Variants in CLASP1 observed in about 807,000 individuals in gnomAD.
The protein encoded by CLASP1 is CLIP-associating protein 1.
A neutral mutation model predicts 192.3 loss-of-function variants in CLASP1; 38 were observed. That is an observed-to-expected ratio of 0.20 (90% confidence interval 0.15 to 0.26). The LOEUF (loss-of-function observed/expected upper bound fraction) is 0.26, where lower values mean the gene tolerates loss of function less well. Among genes scored for constraint, CLASP1 ranks in the 10% least tolerant of loss-of-function variants. The pLI is 1.00. For synonymous variants in CLASP1, 691 were observed against 712.8 expected, an observed-to-expected ratio of 0.97 and a Z score of 0.49; for missense variants, 1,433 against 1,932.5, an observed-to-expected ratio of 0.74 and a Z score of 4.85.
intron 1 of CLASP1, among the ~76,000 whole-genome samples, chr2:121,614,991 T>C (rs1008585101): frequency 2.0e-5 from 3 of 152,216 alleles, no homozygotes; most frequent in Non-Finnish European, 4.4e-5. Flanking sequence ...GTCAAAACTA[T>C]ATAAACAAGA....
chr2:121,389,952 C>T (rs2074059759), intron 30 of CLASP1, among the ~76,000 whole-genome samples: 2 of 151,678 alleles, frequency 1.3e-5, no homozygotes, highest in Admixed American at 6.6e-5. Flanking sequence ...TAGTGCACTG[C>T]AGCCTCGAAC....
chr2:121,444,215 T>C (rs1040546479), intron 19 of CLASP1, among the ~76,000 whole-genome samples: 5 of 152,204 alleles, frequency 3.3e-5, no homozygotes, highest in African/African-American at 7.2e-5. Context: ...TTCTTGAGAA[T>C]GGCATAAAAA....
At position 121,430,700 on chromosome 2, in the gene CLASP1, G is replaced by C. The variant is rs77106950; in HGVS notation, c.1913-523C>G. Among the ~76,000 whole-genome samples, 148 of 152,122 alleles carry C rather than the reference G, an allele frequency of 9.7e-4. 2 individuals carry two copies. In the East Asian group the frequency reaches 0.025, roughly 26 times the overall value. ...AGCTATAGCTCCCCAGTGAATAAAT[G>C]TGTTTTTGATATGCAGCATTAAACT... is the stretch of plus-strand genomic sequence containing the variant. On this transcript the variant is annotated intron_variant, in intron 19 of 39. Transcript: ENST00000263710.
chr2:121,426,739 G>A (rs1027902179), intron 21 of CLASP1, among the ~76,000 whole-genome samples: 2 of 152,122 alleles, frequency 1.3e-5, no homozygotes, highest in Admixed American at 6.5e-5. Flanking sequence ...CAAATAATAT[G>A]GCTGATAATT....
At chr2:121,636,540 C>T (rs556303062) in intron 1 of CLASP1, among the ~76,000 whole-genome samples, 68 of 151,856 alleles carry the variant, frequency 4.5e-4, no homozygotes, top group African/African-American at 1.5e-3. Flanking sequence ...TGGCTCATGC[C>T]TGTAATCCCA....
At chr2:121,478,630 T>TACACAC (rs748910680) in intron 8 of CLASP1, among the ~76,000 whole-genome samples, 2 of 32,454 alleles carry the variant, frequency 6.2e-5, no homozygotes, top group Non-Finnish European at 1.3e-4. Context: ...CACACACACA[T>TACACAC]ACACACACAC....
chr2:121,648,653 A>G (rs989960800), intron 1 of CLASP1, among the ~76,000 whole-genome samples: 6 of 152,232 alleles, frequency 3.9e-5, no homozygotes, highest in African/African-American at 1.4e-4. Flanking sequence ...CTAACGTGCA[A>G]GATCACACAC....
intron 1 of CLASP1, among the ~76,000 whole-genome samples, chr2:121,648,257 T>C (rs1425330866): frequency 6.6e-6 from 1 of 152,122 alleles, no homozygotes; most frequent in Non-Finnish European, 1.5e-5. Flanking sequence ...GGCACCCAAA[T>C]AGGGTCCAAG....
intron 19 of CLASP1, among the ~76,000 whole-genome samples, chr2:121,434,303 C>T (rs1167308867): frequency 6.6e-6 from 1 of 152,170 alleles, no homozygotes; most frequent in Non-Finnish European, 1.5e-5. Flanking sequence ...GCTGCCTAGG[C>T]TGGAGTGGAA....
At chr2:121,458,518 A>G (rs1398580386) in intron 13 of CLASP1, among the ~76,000 whole-genome samples, 1 of 152,210 alleles carries the variant, frequency 6.6e-6, no homozygotes, top group African/African-American at 2.4e-5. Context: ...GGTAAGACTA[A>G]GAGTAATATC....
chr2:121,398,771 T>C (rs1439989529), intron 28 of CLASP1, among the ~76,000 whole-genome samples: 1 of 152,162 alleles, frequency 6.6e-6, no homozygotes, highest in Non-Finnish European at 1.5e-5. Context: ...CAAATCTCAT[T>C]TTTACATCCT....
intron 8 of CLASP1, among the ~76,000 whole-genome samples, chr2:121,471,774 TTC>T (rs2090777709): frequency 6.6e-6 from 1 of 152,328 alleles, no homozygotes; most frequent in South Asian, 2.1e-4. Flanking sequence ...TGTTATGCCA[TTC>T]TGTTTCAAGA....
At chr2:121,518,489 G>T (rs1575608594) in intron 6 of CLASP1, among the ~76,000 whole-genome samples, 1 of 152,118 alleles carries the variant, frequency 6.6e-6, no homozygotes, top group Admixed American at 6.5e-5. Flanking sequence ...ACAGCATTTT[G>T]TTATGGCAGC....
chr2:121,433,050 G>A (rs1024186426), intron 19 of CLASP1, among the ~76,000 whole-genome samples: 9 of 152,214 alleles, frequency 5.9e-5, no homozygotes, highest in Admixed American at 1.3e-4. Context: ...GGCCCAGAGC[G>A]GTGGCTCATG....
exon 37 of CLASP1, chr2:121,363,210 T>C: frequency 1.9e-6 from 3 of 1,614,014 alleles, no homozygotes; most frequent in Non-Finnish European, 2.5e-6. Context: ...AGAGTCTTCA[T>C]AATCGTCAGC....
chr2:121,451,888 A>G (rs1375155348), intron 14 of CLASP1, 39 bp from the exon 15 acceptor site: 5 of 1,409,220 alleles, frequency 3.5e-6, no homozygotes, highest in African/African-American at 1.4e-5. Flanking sequence ...ATTAATACAT[A>G]TTTTAGTGAA....
intron 2 of CLASP1, among the ~76,000 whole-genome samples, chr2:121,531,630 G>A (rs1397581760): frequency 6.6e-6 from 1 of 151,324 alleles, no homozygotes; most frequent in Non-Finnish European, 1.5e-5. Flanking sequence ...AGCACTTGGG[G>A]AGGCCGAGGC....
rs775196167 is a variant in CLASP1 at position 121,397,122 on chromosome 2, C to T, written c.3123+18G>A. On this transcript the variant is annotated intron_variant, in intron 30 of 39. Coordinates refer to ENST00000263710, the Ensembl canonical transcript of CLASP1. ...CCAGGAACAATCTGTAATTACACGT[C>T]GGTTCTCTTGGACATACCTTTCTCA... 6.2e-5 allele frequency: 100 copies of T among 1,612,256 alleles called. No individual in the cohort carries two copies. The highest frequency in any genetic ancestry group is 8.1e-5 in the Non-Finnish European group (95 of 1,178,704).
intron 19 of CLASP1, among the ~76,000 whole-genome samples, chr2:121,442,481 C>CTTTTTTTTTTT (rs761873166): frequency 2.1e-5 from 3 of 144,404 alleles, no homozygotes; most frequent in African/African-American, 7.6e-5. Flanking sequence ...AAATTTCTTT[C>CTTTTTTTTTTT]TTTTTTTTTT....
Sources: allele counts gnomAD v4.1 joint callset (sites outside exome capture counted in the v4.1 genomes callset), GRCh38; gene constraint gnomAD v4.1.1; transcripts MANE v1.5; gene names NCBI Gene and HGNC (gene_info 2026-07-23, HGNC 2026-07-21).